MERTK: variants seen among roughly 807,000 people sequenced by gnomAD.
The protein encoded by MERTK is tyrosine-protein kinase Mer.
MERTK carries 69 observed loss-of-function variants against 99.3 expected under a neutral mutation model. That is an observed-to-expected ratio of 0.70 (90% CI 0.57 to 0.85). The LOEUF (loss-of-function observed/expected upper bound fraction) is 0.85. MERTK is among the 40% of genes least tolerant of loss of function. The probability of loss-of-function intolerance (pLI) is 0.00; values close to 1 mark genes in which losing one functional copy is unlikely to be tolerated. For missense variants in MERTK, 1,125 were observed against 1,249.4 expected (o/e 0.90, Z 1.50); for synonymous variants, 426 against 467.6 (o/e 0.91, Z 1.15).
chr2:112,003,248 T>A lies in MERTK; in HGVS notation c.1786+61T>A, dbSNP rs1163962000. The A allele has an allele frequency of 1.5e-5, 12 of 792,772 alleles. No individual in the cohort carries two copies. The East Asian group carries it at 3.0e-4, about 20-fold the overall frequency. 49.1% of individuals were successfully genotyped at this position (792,772 alleles called of 1,614,324 possible). On this transcript the variant is annotated intron_variant, in intron 12 of 18. Coordinates refer to ENST00000295408, the MANE Select transcript of MERTK (RefSeq NM_006343.3). Reference sequence around the variant, plus strand: ...ATAAGAAGGTAGCAGTTTAGAATAATTCTTTAACATATATTTATTAAATAA... The same window carrying A: ...ATAAGAAGGTAGCAGTTTAGAATAAATCTTTAACATATATTTATTAAATAA...
intron 1 of MERTK, among the ~76,000 whole-genome samples, chr2:111,906,955 C>T (rs1684148177): frequency 6.6e-6 from 1 of 152,030 alleles, no homozygotes; most frequent in African/African-American, 2.4e-5. Flanking sequence ...AACACTGATT[C>T]CATCTAAAGG....
At chr2:111,987,199 C>G (rs917451994) in intron 8 of MERTK, among the ~76,000 whole-genome samples, 2 of 152,136 alleles carry the variant, frequency 1.3e-5, no homozygotes, top group Non-Finnish European at 2.9e-5. Context: ...CATGTGCATG[C>G]AGTTTCAGAA....
chr2:111,975,223 AG>A, intron 6 of MERTK, 65 bp from the exon 7 acceptor site: 1 of 1,503,250 alleles, frequency 6.7e-7, no homozygotes, highest in South Asian at 1.1e-5. Context: ...GAATGCACAC[AG>A]GCCCCGTGCC....
In MERTK at chr2:111,982,891, T is replaced by C; in HGVS notation, c.1194T>C (p.Ser398=). 6.2e-7 allele frequency: 1 copy of C among 1,614,102 alleles called. No individual in the cohort carries two copies. The highest frequency in any genetic ancestry group is 8.5e-7 in the Non-Finnish European group (1 of 1,179,992). ...TCACTGTGTTTCTGAATGAATCTAG[T>C]GATAATGTGGACATCAGATGGATGA... ...LNVTVFLNES[S]DNVDIRWMKP... is the part of the protein sequence containing the mutation. The change falls in exon 8 of 19, where the codon AGT becomes AGC. Residue 398 remains serine, a synonymous_variant. Transcript: ENST00000295408.
chr2:112,000,015 G>A (rs547602532), intron 10 of MERTK, among the ~76,000 whole-genome samples: 23 of 152,242 alleles, frequency 1.5e-4, no homozygotes, highest in African/African-American at 3.6e-4. Flanking sequence ...GCAAGGGTGG[G>A]GGAATACCAC....
intron 18 of MERTK, chr2:112,028,093 C>T (rs1474769754): frequency 1.9e-6 from 1 of 529,170 alleles, no homozygotes; most frequent in Non-Finnish European, 3.4e-6. Flanking sequence ...GACCTAAATA[C>T]TCCTTATCTG....
In MERTK at chr2:112,003,954, T is replaced by G; in HGVS notation, c.1837T>G (p.Ser613Ala). The G allele has an allele frequency of 5.0e-6, 8 of 1,613,664 alleles. No individual in the cohort carries two copies. The highest frequency in any genetic ancestry group is 6.8e-6 in the Non-Finnish European group (8 of 1,179,616). ...AAATCTTAAGCAGGAAGATGGGACC[T>G]CTCTGAAAGTGGCAGTGAAGACCAT... ...EGNLKQEDGT[S>A]LKVAVKTMKL... Residue 613 changes from serine (S) to alanine (A), a missense_variant, in exon 13 of 19, where the codon TCT becomes GCT. Transcript: ENST00000295408.
At chr2:112,020,585 T>C (rs1677319593) in intron 16 of MERTK, 1 of 470,952 alleles carries the variant, frequency 2.1e-6, no homozygotes, top group South Asian at 1.5e-5. Context: ...CCCTTTAATT[T>C]CTCATTTAAT....
intron 15 of MERTK, among the ~76,000 whole-genome samples, chr2:112,016,888 TC>T: frequency 1.3e-5 from 2 of 152,294 alleles, no homozygotes; most frequent in Middle Eastern, 3.4e-3. Context: ...TCAGGATGTG[TC>T]CGGAGTTGGT....
chr2:111,974,508 G>T (rs1363608641), intron 6 of MERTK, among the ~76,000 whole-genome samples: 1 of 151,978 alleles, frequency 6.6e-6, no homozygotes, highest in East Asian at 1.9e-4. Flanking sequence ...GGTGGCTCAC[G>T]CCTGTAATCC....
intron 1 of MERTK, among the ~76,000 whole-genome samples, chr2:111,920,527 A>T (rs908386945): frequency 2.0e-5 from 3 of 149,348 alleles, no homozygotes; most frequent in Non-Finnish European, 4.4e-5. Context: ...TTTAGGACTG[A>T]TCCATCAGGT....
intron 11 of MERTK, 129 bp downstream of exon 11, chr2:112,001,415 G>A: frequency 1.3e-6 from 1 of 794,552 alleles, no homozygotes; most frequent in Non-Finnish European, 2.1e-6. Flanking sequence ...TGTACAAAAT[G>A]TCTTTAAAAG....
chr2:111,898,756 G>T lies in MERTK; in HGVS notation c.21G>T (p.Pro7=), dbSNP rs752112582. 18 of 1,605,438 alleles carry T rather than the reference G, an allele frequency of 1.1e-5. No individual in the cohort carries two copies. Among genetic ancestry groups the T allele is most frequent in the Admixed American group, 1.7e-5 (1 of 59,242 alleles). The stretch of plus-strand genomic sequence containing the variant: ...CCGGGATGGGGCCGGCCCCGCTGCC[G>T]CTGCTGCTGGGCCTCTTCCTCCCCG... The part of the protein sequence containing the change: MGPAPL[P]LLLGLFLPAL... Residue 7 remains proline, a synonymous_variant, in exon 1 of 19, where the codon CCG becomes CCT. Coordinates refer to ENST00000295408, the MANE Select transcript of MERTK (RefSeq NM_006343.3).
chr2:111,914,740 T>G (rs981004351), intron 1 of MERTK, among the ~76,000 whole-genome samples: 5 of 152,244 alleles, frequency 3.3e-5, no homozygotes, highest in Admixed American at 1.3e-4. Context: ...ATCCATGGCA[T>G]AAATTCCACT....
chr2:111,940,448 G>C, intron 2 of MERTK: 1 of 552,870 alleles, frequency 1.8e-6, no homozygotes, highest in Non-Finnish European at 3.7e-6. Context: ...GCTTCATTAA[G>C]AACTGCATCT....
At chr2:111,975,512 C>T in intron 7 of MERTK, 40 bp downstream of exon 7, 1 of 1,597,366 alleles carries the variant, frequency 6.3e-7, no homozygotes, top group Non-Finnish European at 8.6e-7. Flanking sequence ...CCCCCAATGA[C>T]ATGTGATTCA....
chr2:111,944,303 CAAA>C (rs776451722), intron 2 of MERTK, among the ~76,000 whole-genome samples: 25 of 68,090 alleles, frequency 3.7e-4, no homozygotes, highest in African/African-American at 1.3e-3. Flanking sequence ...GAATCTGTCT[CAAA>C]AAAAAAAAAA....
intron 2 of MERTK, among the ~76,000 whole-genome samples, chr2:111,941,497 G>A (rs1005915958): frequency 6.6e-6 from 1 of 152,118 alleles, no homozygotes; most frequent in African/African-American, 2.4e-5. Flanking sequence ...CGTTTCCTCT[G>A]GAGCTCCTCT....
At chr2:112,004,991 TAC>T (rs1250425300) in intron 13 of MERTK, among the ~76,000 whole-genome samples, 4 of 152,162 alleles carry the variant, frequency 2.6e-5, no homozygotes, top group Non-Finnish European at 5.9e-5. Flanking sequence ...GAGAACAAAT[TAC>T]AGTGTTGACA....
Sources: gnomAD v4.1 joint callset for allele counts (sites outside exome capture counted in the v4.1 genomes callset) on GRCh38, gnomAD v4.1.1 for gene constraint, MANE v1.5 for transcripts, NCBI Gene and HGNC (gene_info 2026-07-23, HGNC 2026-07-21) for gene names.